The following SNORC variants were observed in gnomAD, a reference collection of about 807,000 sequenced individuals.
SNORC encodes protein SNORC.
A neutral mutation model predicts 9.7 loss-of-function variants in SNORC; 11 were observed. That is an observed-to-expected ratio of 1.14 (90% CI 0.72 to 1.88). The LOEUF is 1.88. Ranked by LOEUF, SNORC falls within the 40% of genes most tolerant of loss-of-function variation. The pLI is 0.00. For missense variants in SNORC, 197 were observed against 173.1 expected (o/e 1.14, Z -0.77); for synonymous variants, 108 against 88.7 (o/e 1.22, Z -1.22).
At chr2:232,868,353 T>C (rs953514412), upstream of SNORC, among the ~76,000 whole-genome samples, 2 of 152,122 alleles carry the variant, frequency 1.3e-5, no homozygotes, top group Non-Finnish European at 2.9e-5. Context: ...TGCCCCAGCC[T>C]CCCAAAGTGC....
chr2:232,868,428 G>T (rs1402907506), upstream of SNORC, among the ~76,000 whole-genome samples: 1 of 152,082 alleles, frequency 6.6e-6, no homozygotes, highest in African/African-American at 2.4e-5. Context: ...CCATGGCAGG[G>T]TTGGCGTCCA....
chr2:232,875,865 T>TA, intron 1 of SNORC, 75 bp from the exon 2 acceptor site: 1 of 1,438,404 alleles, frequency 7.0e-7, no homozygotes, highest in Non-Finnish European at 9.2e-7. Flanking sequence ...GCAACTTGCT[T>TA]AACCTAGAGG....
At chr2:232,871,153 G>A (rs1008459301) in intron 1 of SNORC, among the ~76,000 whole-genome samples, 5 of 152,210 alleles carry the variant, frequency 3.3e-5, no homozygotes, top group African/African-American at 1.2e-4. Flanking sequence ...TCACAGTAGC[G>A]GGGTTCAGGG....
upstream of SNORC, among the ~76,000 whole-genome samples, chr2:232,869,293 G>A (rs916477329): frequency 4.5e-4 from 68 of 152,268 alleles, 1 homozygote; most frequent in African/African-American, 1.6e-3. Context: ...TTTGTTGGGG[G>A]AGCCTAGTCA....
intron 1 of SNORC, among the ~76,000 whole-genome samples, chr2:232,870,656 G>C (rs117837416): frequency 7.2e-5 from 11 of 152,134 alleles, no homozygotes; most frequent in Non-Finnish European, 8.8e-5. Flanking sequence ...GACAACTTGG[G>C]GGGCAGGCCC....
downstream of SNORC, chr2:232,876,495 G>A: frequency 7.7e-7 from 1 of 1,298,434 alleles, no homozygotes. The surrounding 1 kb of genome is among the most constrained non-coding windows in gnomAD (Gnocchi z 6.8). Context: ...GGGCGGGGGT[G>A]CGCGCGGGGC....
At chr2:232,875,518 G>A (rs1184807446) in intron 1 of SNORC, 2 of 429,412 alleles carry the variant, frequency 4.7e-6, no homozygotes, top group South Asian at 1.7e-5. Context: ...CAGGGTTGGA[G>A]TGGTGGTCAG....
At chr2:232,876,847 G>T (rs1244319497), downstream of SNORC, 13 of 985,626 alleles carry the variant, frequency 1.3e-5, no homozygotes, top group African/African-American at 1.7e-5. This position sits in a 1 kb window ranked among gnomAD's most constrained non-coding sequence, Gnocchi z 6.8. Context: ...CCTGGGCGCG[G>T]GCCGAGGCCC....
chr2:232,876,809 G>A, downstream of SNORC: 2 of 985,394 alleles, frequency 2.0e-6, no homozygotes, highest in South Asian at 9.4e-5. This position sits in a 1 kb window ranked among gnomAD's most constrained non-coding sequence, Gnocchi z 6.8. Flanking sequence ...GCCACGGGCG[G>A]CCCCTTCTCC....
At chr2:232,869,018 AAGTC>A, upstream of SNORC, 1 of 152,268 alleles carries the variant, frequency 6.6e-6, no homozygotes, top group East Asian at 1.9e-4. Context: ...ATTTCCTCCT[AAGTC>A]AGACTTTGTG....
At chr2:232,869,244 A>G (rs1050491360), upstream of SNORC, 1 of 152,122 alleles carries the variant, frequency 6.6e-6, no homozygotes, top group Non-Finnish European at 1.5e-5. Flanking sequence ...TTCTGGGAGG[A>G]GAGGGGAACA....
At chr2:232,876,527 C>T (rs1197815447), downstream of SNORC, 6 of 1,213,030 alleles carry the variant, frequency 4.9e-6, no homozygotes, top group South Asian at 1.9e-4. This position sits in a 1 kb window ranked among gnomAD's most constrained non-coding sequence, Gnocchi z 6.8. Context: ...GCCGTGCACG[C>T]GCGCGGGTCC....
At chr2:232,872,434 A>T (rs1691061459) in intron 1 of SNORC, among the ~76,000 whole-genome samples, 1 of 152,102 alleles carries the variant, frequency 6.6e-6, no homozygotes. Flanking sequence ...CTTATTTACC[A>T]AAAGGCAGGG....
chr2:232,875,937 C>T lies in SNORC; in HGVS notation c.74-3C>T. 1 of 1,549,238 alleles carries T rather than the reference C, an allele frequency of 6.5e-7. No individual in the cohort carries two copies. The highest frequency in any genetic ancestry group is 2.4e-5 in the East Asian group (1 of 41,076). On this transcript the variant is annotated splice_polypyrimidine_tract_variant and splice_region_variant and intron_variant, in intron 1 of 2. Coordinates refer to ENST00000331342, the Ensembl canonical transcript of SNORC. ...GCCCCAGCACCTCTCCTTGGCTTTG[C>T]AGACGATGTTCCACAGGAGCCCGTG...
At chr2:232,875,828 G>A in intron 1 of SNORC, 112 bp from the exon 2 acceptor site, 1 of 1,144,694 alleles carries the variant, frequency 8.7e-7, no homozygotes, top group Non-Finnish European at 1.2e-6. Flanking sequence ...GCAGCGCTGA[G>A]CCCAGACCCC....
At chr2:232,868,150 CTTTT>C (rs35855568), upstream of SNORC, among the ~76,000 whole-genome samples, 5 of 130,006 alleles carry the variant, frequency 3.8e-5, no homozygotes, top group Admixed American at 1.6e-4. Context: ...GTCATTTCAT[CTTTT>C]TTTTTTTTTT....
intron 1 of SNORC, among the ~76,000 whole-genome samples, chr2:232,872,039 G>A (rs1205000153): frequency 1.3e-5 from 2 of 152,198 alleles, no homozygotes; most frequent in Non-Finnish European, 2.9e-5. Flanking sequence ...GTCCTACCAA[G>A]AGTAGGCAGG....
At chr2:232,874,316 A>G (rs1386472356) in intron 1 of SNORC, among the ~76,000 whole-genome samples, 1 of 152,196 alleles carries the variant, frequency 6.6e-6, no homozygotes. Context: ...GAACAAGGAC[A>G]TTCTCTTAAC....
chr2:232,875,103 G>A (rs1691171929), intron 1 of SNORC, among the ~76,000 whole-genome samples: 1 of 152,206 alleles, frequency 6.6e-6, no homozygotes, highest in Admixed American at 6.5e-5. Context: ...ACTTTGGGAG[G>A]CCGACACGGG....
Sources: allele counts gnomAD v4.1 joint callset (sites outside exome capture counted in the v4.1 genomes callset), GRCh38; gene constraint gnomAD v4.1.1; non-coding constraint Gnocchi (gnomAD v3.1); transcripts MANE v1.5; gene names NCBI Gene and HGNC (gene_info 2026-07-23, HGNC 2026-07-21).